The following DLEC1 variants were observed in gnomAD, a reference collection of about 807,000 sequenced individuals.
DLEC1 encodes deleted in lung and esophageal cancer protein 1.
DLEC1 carries 146 observed loss-of-function variants against 198.1 expected under a neutral mutation model. The observed-to-expected ratio is 0.74, with a 90% CI of 0.64 to 0.85. DLEC1 has a LOEUF of 0.85. DLEC1 is among the 40% of genes least tolerant of loss of function. The pLI is 0.00. For missense variants in DLEC1, 2,233 were observed against 2,220.0 expected (o/e 1.01, Z -0.12); for synonymous variants, 897 against 866.8 (o/e 1.03, Z -0.61).
At chr3:38,053,434 C>T (rs1442959016) in intron 2 of DLEC1, among the ~76,000 whole-genome samples, 2 of 151,812 alleles carry the variant, frequency 1.3e-5, no homozygotes, top group East Asian at 1.9e-4. Context: ...CGCCTCTGCC[C>T]GGCCGCGACC....
intron 2 of DLEC1, among the ~76,000 whole-genome samples, chr3:38,053,308 C>T (rs1384711052): frequency 6.0e-5 from 9 of 149,848 alleles, no homozygotes; most frequent in South Asian, 4.2e-4. Context: ...AAGTGAGGAG[C>T]GCCTCTTCCC....
rs1298017706 is a variant in DLEC1 at position 38,121,674 on chromosome 3, C to T, written c.4913C>T (p.Ser1638Phe). The change falls in exon 35 of 37, where the codon TCC becomes TTC. Residue 1638 changes from serine (S) to phenylalanine (F), a missense_variant. Coordinates refer to ENST00000308059, the MANE Select transcript of DLEC1 (RefSeq NM_007335.4). The part of the protein sequence containing the change: ...AVVAVPELQL[S>F]TSWVDFGTCF... The stretch of plus-strand genomic sequence containing the variant: ...GTGGCCGTGCCTGAGCTGCAGCTCT[C>T]CACCAGCTGGGTGGACTTTGGGACC... The T allele has an allele frequency of 1.2e-6, 2 of 1,613,942 alleles. No individual in the cohort carries two copies. The highest frequency in any genetic ancestry group is 1.7e-6 in the Non-Finnish European group (2 of 1,179,976).
At chr3:38,074,770 A>G (rs1215073875) in intron 6 of DLEC1, among the ~76,000 whole-genome samples, 2 of 152,210 alleles carry the variant, frequency 1.3e-5, no homozygotes, top group African/African-American at 2.4e-5. Context: ...TCAGGATGAC[A>G]TTTAAGTCAC....
intron 18 of DLEC1, among the ~76,000 whole-genome samples, chr3:38,098,559 G>T (rs1188626544): frequency 6.6e-6 from 1 of 152,110 alleles, no homozygotes; most frequent in African/African-American, 2.4e-5. Flanking sequence ...GCAGCTCCCT[G>T]GTGGACTGCA....
At chr3:38,067,120 A>G (rs750366738) in intron 6 of DLEC1, among the ~76,000 whole-genome samples, 4 of 152,212 alleles carry the variant, frequency 2.6e-5, no homozygotes, top group African/African-American at 4.8e-5. Context: ...ATAGACTGCT[A>G]TGGAACAGTC....
In DLEC1 at chr3:38,117,214, A is replaced by C; in HGVS notation, c.4312A>C (p.Arg1438=). 1 of 1,614,156 alleles carries C rather than the reference A, an allele frequency of 6.2e-7. No individual in the cohort carries two copies. Among genetic ancestry groups the C allele is most frequent in the Non-Finnish European group, 8.5e-7 (1 of 1,180,010 alleles). The part of the protein sequence containing the change: ...GFMSLDSKVE[R]EIPGKRHRLQ... Reference sequence around the variant, plus strand: ...TCAGACTTGGGCTCAGTAGGTGGAAAGGGAGATTCCAGGGAAGAGGCATCG... The same window carrying C: ...TCAGACTTGGGCTCAGTAGGTGGAACGGGAGATTCCAGGGAAGAGGCATCG... The change falls in exon 31 of 37, where the codon AGG becomes CGG. Residue 1438 remains arginine (R), a synonymous_variant. Transcript: ENST00000308059.
Position 38,122,539 on chromosome 3 carries a change from T to C in DLEC1, c.*127T>C. The C allele has an allele frequency of 6.2e-7, 1 of 1,610,956 alleles. No individual in the cohort carries two copies. The highest frequency in any genetic ancestry group is 8.5e-7 in the Non-Finnish European group (1 of 1,179,314). ...GGGGACCTCTGGGCAGCTCCTGGAATGGAAGAACCCCCTTCCACAATGGTC... is the reference window on the plus strand; with the variant it reads ...GGGGACCTCTGGGCAGCTCCTGGAACGGAAGAACCCCCTTCCACAATGGTC... On this transcript the variant is annotated 3_prime_UTR_variant, in exon 37 of 37. Transcript: ENST00000308059.
intron 32 of DLEC1, 72 bp from the exon 33 acceptor site, chr3:38,117,734 C>A: frequency 6.3e-7 from 1 of 1,597,710 alleles, no homozygotes; most frequent in Non-Finnish European, 8.6e-7. Context: ...CCTCCCAGCC[C>A]TACCCTAGAG....
At chr3:38,110,632 AG>A (rs1208558111) in intron 23 of DLEC1, among the ~76,000 whole-genome samples, 5 of 151,954 alleles carry the variant, frequency 3.3e-5, no homozygotes, top group African/African-American at 1.2e-4. Context: ...GTTCAGGAGT[AG>A]GGAGTCTTCA....
chr3:38,102,794 C>A (rs1180290803), intron 19 of DLEC1, among the ~76,000 whole-genome samples: 7 of 152,180 alleles, frequency 4.6e-5, no homozygotes, highest in African/African-American at 1.4e-4. Flanking sequence ...GGCAGCTACA[C>A]AAATCAATTC....
chr3:38,122,703 C>CA lies in DLEC1; in HGVS notation c.*292dup. On this transcript the variant is annotated 3_prime_UTR_variant, in exon 37 of 37. Coordinates refer to ENST00000308059, the MANE Select transcript of DLEC1 (RefSeq NM_007335.4). ...CAAAATTAGTCTTGGAAAAAAACCA[C>CA]AGCCACTAAGATAAATTCATGCACT... is the stretch of plus-strand genomic sequence containing the variant. The CA allele has an allele frequency of 7.2e-7, 1 of 1,390,982 alleles. No individual in the cohort carries two copies. Among genetic ancestry groups the CA allele is most frequent in the South Asian group, 1.5e-5 (1 of 66,388 alleles). The allele number at this position is 1,390,982 out of a possible 1,614,324, so 86.2% of individuals were successfully genotyped here.
chr3:38,088,354 T>C lies in DLEC1; in HGVS notation c.1631T>C (p.Phe544Ser). The C allele has an allele frequency of 1.2e-6, 2 of 1,614,070 alleles. No individual in the cohort carries two copies. The highest frequency in any genetic ancestry group is 1.7e-6 in the Non-Finnish European group (2 of 1,179,892). ...QPPFGILPSVFELAPGHAILV... is the reference protein window; with the variant it reads ...QPPFGILPSVSELAPGHAILV... The stretch of plus-strand genomic sequence containing the variant: ...CCTTTTGGAATCCTGCCTTCGGTGT[T>C]TGAGCTGGCCCCGGGACATGCTATA... The change falls in exon 10 of 37, where the codon TTT becomes TCT. Residue 544 changes from phenylalanine (F) to serine (S), a missense_variant. Phe to Ser is a radical substitution (Grantham distance 155). Coordinates refer to ENST00000308059, the MANE Select transcript of DLEC1 (RefSeq NM_007335.4).
chr3:38,112,262 CTT>C lies in DLEC1; in HGVS notation c.3570_3571del (p.Ser1191ProfsTer13). 1 of 1,614,186 alleles carries C rather than the reference CTT, an allele frequency of 6.2e-7. No homozygotes were observed. The highest frequency in any genetic ancestry group is 8.5e-7 in the Non-Finnish European group (1 of 1,180,026). ...HGKGAAFFPH[F>X]SQGMLGPYQQ... ...GGAAAGGAGCTGCTTTCTTCCCTCA[CTT>C]TTCCCAGGGCATGCTGGGGCCCTAC... is the stretch of plus-strand genomic sequence containing the variant. On this transcript the variant is annotated frameshift_variant, in exon 25 of 37. Transcript: ENST00000308059. LOFTEE classifies it high-confidence loss of function. This position sits in a 1 kb window ranked among gnomAD's most constrained non-coding sequence, Gnocchi z 4.8.
intron 6 of DLEC1, among the ~76,000 whole-genome samples, chr3:38,079,706 C>G (rs897031279): frequency 6.6e-6 from 1 of 152,182 alleles, no homozygotes; most frequent in South Asian, 2.1e-4. Flanking sequence ...GCAGGCATTC[C>G]TTGGCCTGGT....
chr3:38,099,190 T>G (rs937970606), intron 18 of DLEC1, among the ~76,000 whole-genome samples: 2 of 152,152 alleles, frequency 1.3e-5, no homozygotes, highest in Non-Finnish European at 2.9e-5. Context: ...TCCCCTGCAC[T>G]TCTAGGGATT....
intron 2 of DLEC1, among the ~76,000 whole-genome samples, chr3:38,053,893 C>A (rs1211102669): frequency 6.6e-6 from 1 of 152,126 alleles, no homozygotes; most frequent in Non-Finnish European, 1.5e-5. Flanking sequence ...TATAACCTTA[C>A]CCCCAACCCC....
intron 6 of DLEC1, among the ~76,000 whole-genome samples, chr3:38,075,153 A>G (rs62240695): frequency 0.43 from 64,824 of 151,708 alleles, 14,583 homozygotes; most frequent in East Asian, 0.6. Context: ...GAAAGATTCA[A>G]CGACGCTTGG....
intron 2 of DLEC1, among the ~76,000 whole-genome samples, chr3:38,046,348 G>C (rs971440354): frequency 1.3e-5 from 2 of 152,156 alleles, no homozygotes; most frequent in Non-Finnish European, 2.9e-5. Flanking sequence ...GAGGGACCTG[G>C]TGGAAGGTAT....
chr3:38,086,251 G>A lies in DLEC1; in HGVS notation c.1446G>A (p.Val482=), dbSNP rs772890825. Residue 482 remains valine (V), a synonymous_variant, in exon 9 of 37, where the codon GTG becomes GTA. Coordinates refer to ENST00000308059, the MANE Select transcript of DLEC1 (RefSeq NM_007335.4). The stretch of plus-strand genomic sequence containing the variant: ...CTCCTGTGGCTACAGTGTCACCGGT[G>A]TTGGACTGTGGTTACTGCCTCATTG... ...RPPPVLTLSP[V]LDCGYCLIGG... 17 of 1,611,750 alleles carry A rather than the reference G, an allele frequency of 1.1e-5. No homozygotes were observed. In the African/African-American group the frequency reaches 1.1e-4, roughly 10 times the overall value.
Sources: gnomAD v4.1 joint callset for allele counts (sites outside exome capture counted in the v4.1 genomes callset) on GRCh38, gnomAD v4.1.1 for gene constraint, Gnocchi (gnomAD v3.1) non-coding constraint, MANE v1.5 for transcripts, NCBI Gene and HGNC (gene_info 2026-07-23, HGNC 2026-07-21) for gene names.